Variants in THSD4 observed in about 807,000 individuals in gnomAD.
THSD4 encodes thrombospondin type 1 domain containing 4, also known as thrombospondin type-1 domain-containing protein 4.
Under a neutral mutation model 119.0 loss-of-function variants are expected in THSD4, and 69 were observed. That is an observed-to-expected ratio of 0.58 (90% CI 0.48 to 0.71). The LOEUF (loss-of-function observed/expected upper bound fraction) is 0.71, where lower values mean the gene tolerates loss of function less well. THSD4 is among the 30% of genes least tolerant of loss of function. The probability of loss-of-function intolerance (pLI) is 0.00; values close to 1 mark genes in which losing one functional copy is unlikely to be tolerated. For missense variants in THSD4, 1,393 were observed against 1,391.1 expected (o/e 1.00, Z -0.02); for synonymous variants, 524 against 540.4 (o/e 0.97, Z 0.42).
At chr15:71,517,777 T>A (rs77405683) in intron 7 of THSD4, among the ~76,000 whole-genome samples, 19,316 of 152,262 alleles carry the variant, frequency 0.13, 1,483 homozygotes, top group Middle Eastern at 0.31. Context: ...TGACCATGCT[T>A]CTCTTCAGGC....
chr15:71,299,234 G>A (rs995254740), intron 6 of THSD4, among the ~76,000 whole-genome samples: 7 of 152,202 alleles, frequency 4.6e-5, no homozygotes, highest in African/African-American at 1.7e-4. Context: ...CTTCATAGCA[G>A]CAAGTTAAGA....
intron 6 of THSD4, among the ~76,000 whole-genome samples, chr15:71,408,641 C>G (rs547239842): frequency 3.2e-4 from 48 of 152,126 alleles, no homozygotes; most frequent in African/African-American, 1.1e-3. Context: ...CACTTGAGAC[C>G]AGGAGTTTGA....
chr15:71,529,204 C>T (rs1359647310), intron 7 of THSD4, among the ~76,000 whole-genome samples: 1 of 152,194 alleles, frequency 6.6e-6, no homozygotes, highest in Non-Finnish European at 1.5e-5. Flanking sequence ...GCTTTACCCT[C>T]CCTGCCCACC....
At chr15:71,480,424 G>A (rs1007608226) in intron 7 of THSD4, among the ~76,000 whole-genome samples, 1 of 152,190 alleles carries the variant, frequency 6.6e-6, no homozygotes, top group Non-Finnish European at 1.5e-5. Context: ...TTAATACTAT[G>A]TGATGTGTTG....
At chr15:71,728,448 A>G in intron 8 of THSD4, 101 bp from the exon 9 acceptor site, 1 of 1,431,878 alleles carries the variant, frequency 7.0e-7, no homozygotes, top group Non-Finnish European at 9.6e-7. Context: ...GATCCTGTCA[A>G]AAACCTTGAT....
chr15:71,126,266 G>T (rs1460378547), intron 1 of THSD4, among the ~76,000 whole-genome samples: 2 of 152,166 alleles, frequency 1.3e-5, no homozygotes, highest in Non-Finnish European at 2.9e-5. Flanking sequence ...TACCAGCACA[G>T]GCCACAGGAG....
At position 71,471,255 on chromosome 15, in the gene THSD4, G is replaced by A. The variant is rs1044241650; in HGVS notation, c.1152+59432G>A. Among the ~76,000 whole-genome samples, 5 of 152,204 alleles carry A rather than the reference G, an allele frequency of 3.3e-5. 1 individual carries two copies. The highest frequency in any genetic ancestry group is 1.3e-4 in the Admixed American group (2 of 15,286). On this transcript the variant is annotated intron_variant, in intron 7 of 17. Transcript: ENST00000261862. ...AGCACATGGGCCCTCTGCATGCTAA[G>A]GTTCAGAATTAATCACTAGGGCAAG... is the stretch of plus-strand genomic sequence containing the variant.
intron 7 of THSD4, among the ~76,000 whole-genome samples, chr15:71,634,748 C>T (rs1567073983): frequency 6.6e-6 from 1 of 152,174 alleles, no homozygotes; most frequent in East Asian, 1.9e-4. Flanking sequence ...TGCTGCTCCA[C>T]GGTGGCAGCA....
intron 3 of THSD4, among the ~76,000 whole-genome samples, chr15:71,164,052 G>A (rs1411772440): frequency 6.6e-6 from 1 of 151,992 alleles, no homozygotes; most frequent in Non-Finnish European, 1.5e-5. Context: ...TTACTCTTCA[G>A]TTTGTAAATG....
At chr15:71,631,171 G>A (rs979364371) in intron 7 of THSD4, among the ~76,000 whole-genome samples, 5 of 152,302 alleles carry the variant, frequency 3.3e-5, no homozygotes, top group African/African-American at 9.6e-5. Flanking sequence ...GGATCACCTG[G>A]GAAACATTCA....
chr15:71,329,270 C>A (rs2045391168), intron 6 of THSD4, among the ~76,000 whole-genome samples: 1 of 152,132 alleles, frequency 6.6e-6, no homozygotes, highest in African/African-American at 2.4e-5. Context: ...AGGGAGCGGG[C>A]CAGGCTGAGT....
At chr15:71,587,601 T>C (rs1285847463) in intron 7 of THSD4, among the ~76,000 whole-genome samples, 1 of 115,826 alleles carries the variant, frequency 8.6e-6, no homozygotes, top group Admixed American at 9.8e-5. Flanking sequence ...GGAAGGGGAA[T>C]ATCACACTCT....
chr15:71,609,907 A>G (rs1031239974), intron 7 of THSD4, among the ~76,000 whole-genome samples: 23 of 152,044 alleles, frequency 1.5e-4, no homozygotes, highest in Non-Finnish European at 2.9e-4. Context: ...ACTACCATGT[A>G]TTGAGGGCTT....
chr15:71,550,159 G>A (rs916975726), intron 7 of THSD4, among the ~76,000 whole-genome samples: 1 of 152,216 alleles, frequency 6.6e-6, no homozygotes, highest in Non-Finnish European at 1.5e-5. Context: ...AGACTGTAAA[G>A]GACTTTTAAA....
chr15:71,164,834 T>C, intron 3 of THSD4: 1 of 1,591,716 alleles, frequency 6.3e-7, no homozygotes, highest in Non-Finnish European at 8.5e-7. Context: ...CTCCTCATCC[T>C]CTTCATCTTC....
At chr15:71,689,533 T>A (rs2051999419) in intron 8 of THSD4, among the ~76,000 whole-genome samples, 1 of 152,182 alleles carries the variant, frequency 6.6e-6, no homozygotes, top group Admixed American at 6.5e-5. Flanking sequence ...AGTGCTGTCA[T>A]AAAATCAGTA....
chr15:71,274,751 T>C (rs979187689), intron 6 of THSD4, among the ~76,000 whole-genome samples: 1 of 152,140 alleles, frequency 6.6e-6, no homozygotes, highest in Non-Finnish European at 1.5e-5. Context: ...AAAGGAAAGA[T>C]TGAGGGAGAA....
intron 1 of THSD4, among the ~76,000 whole-genome samples, chr15:71,108,884 C>T (rs897465009): frequency 6.6e-6 from 1 of 152,068 alleles, no homozygotes; most frequent in African/African-American, 2.4e-5. Context: ...CCCAGCTACT[C>T]AGGAGGCTGA....
At chr15:71,569,318 A>AAG (rs964376956) in intron 7 of THSD4, among the ~76,000 whole-genome samples, 5 of 151,460 alleles carry the variant, frequency 3.3e-5, no homozygotes, top group Admixed American at 6.6e-5. Flanking sequence ...GAAAAGAAGA[A>AAG]AGAGAGAGAG....
Sources: gnomAD v4.1 joint callset for allele counts (sites outside exome capture counted in the v4.1 genomes callset) on GRCh38, gnomAD v4.1.1 for gene constraint, MANE v1.5 for transcripts, NCBI Gene and HGNC (gene_info 2026-07-23, HGNC 2026-07-21) for gene names.